Variants in GRIA3 observed in about 807,000 individuals in gnomAD.
GRIA3 encodes glutamate ionotropic receptor AMPA type subunit 3, also known as glutamate receptor 3.
Under a neutral mutation model 63.0 loss-of-function variants are expected in GRIA3, and 3 were observed. The observed-to-expected ratio is 0.05, with a 90% CI of 0.02 to 0.12. The LOEUF is 0.12. Ranked by LOEUF, GRIA3 falls within the 10% of genes least tolerant of loss-of-function variation. The pLI is 1.00. For missense variants in GRIA3, 347 were observed against 700.9 expected, an observed-to-expected ratio of 0.50 and a Z score of 5.70; for synonymous variants, 274 against 257.9, an observed-to-expected ratio of 1.06 and a Z score of -0.60.
At chrX:123,470,335 A>G (rs979279997) in intron 13 of GRIA3, among the ~76,000 whole-genome samples, 3 of 112,089 alleles carry the variant, frequency 2.7e-5, no homozygotes, top group Admixed American at 9.5e-5. Context: ...AAAAATATAT[A>G]GGAACTAGAA....
At chrX:123,302,670 A>T (rs776223410) in intron 3 of GRIA3, among the ~76,000 whole-genome samples, 1 of 111,574 alleles carries the variant, frequency 9.0e-6, no homozygotes, top group East Asian at 2.8e-4. Flanking sequence ...GGATCATTAT[A>T]TGGGTCTATT....
chrX:123,208,037 C>T (rs975659115), intron 2 of GRIA3, among the ~76,000 whole-genome samples: 1 of 112,246 alleles, frequency 8.9e-6, no homozygotes, highest in African/African-American at 3.2e-5. Flanking sequence ...ACTGGAAAAA[C>T]AAACAATAGA....
intron 11 of GRIA3, among the ~76,000 whole-genome samples, chrX:123,427,584 T>C (rs759058028): frequency 2.2e-4 from 25 of 111,432 alleles, no homozygotes; most frequent in Admixed American, 1.9e-4. Context: ...GGAGTGCACT[T>C]GTAGTCCCAG....
chrX:123,352,270 G>A (rs929644428), intron 4 of GRIA3, among the ~76,000 whole-genome samples: 1 of 111,278 alleles, frequency 9.0e-6, no homozygotes, highest in African/African-American at 3.3e-5. Flanking sequence ...AGTAGAGATG[G>A]GGTTTCTCCA....
At chrX:123,290,802 T>G (rs1399206415) in intron 3 of GRIA3, among the ~76,000 whole-genome samples, 1 of 111,384 alleles carries the variant, frequency 9.0e-6, no homozygotes, top group East Asian at 2.8e-4. Context: ...TCTGTGAAAG[T>G]AATAAAAAGT....
At chrX:123,479,633 TG>T (rs1173543739) in intron 13 of GRIA3, among the ~76,000 whole-genome samples, 1 of 112,428 alleles carries the variant, frequency 8.9e-6, no homozygotes, top group Non-Finnish European at 1.9e-5. Flanking sequence ...CTTCCCCTTC[TG>T]GGTCTGTCCT....
chrX:123,440,409 A>T (rs183970413), intron 12 of GRIA3, among the ~76,000 whole-genome samples: 14 of 112,598 alleles, frequency 1.2e-4, no homozygotes, highest in African/African-American at 4.5e-4. Flanking sequence ...TTACACTCCC[A>T]ACAACAGTGT....
At chrX:123,408,211 C>T (rs1016736661) in intron 10 of GRIA3, among the ~76,000 whole-genome samples, 1 of 111,417 alleles carries the variant, frequency 9.0e-6, no homozygotes, top group Non-Finnish European at 1.9e-5. Context: ...AGTGATCTAC[C>T]TGCCTCGGCC....
intron 2 of GRIA3, among the ~76,000 whole-genome samples, chrX:123,234,247 C>A (rs987004639): frequency 3.6e-5 from 4 of 111,164 alleles, no homozygotes; most frequent in Non-Finnish European, 7.6e-5. Flanking sequence ...CTGGCTTAAG[C>A]AGGCCACAGA....
At chrX:123,422,934 TA>T (rs2045570590) in intron 11 of GRIA3, among the ~76,000 whole-genome samples, 1 of 112,436 alleles carries the variant, frequency 8.9e-6, no homozygotes, top group African/African-American at 3.2e-5. Flanking sequence ...CAAATATTTT[TA>T]TTGTATTATT....
At chrX:123,214,158 G>A (rs4825840) in intron 2 of GRIA3, among the ~76,000 whole-genome samples, 25,071 of 111,712 alleles carry the variant, frequency 0.22, 2,190 homozygotes, top group East Asian at 0.38. Context: ...CAAGCCTTGT[G>A]TTCTGAATTT....
intron 3 of GRIA3, 107 bp downstream of exon 3, chrX:123,253,649 T>A: frequency 1.5e-6 from 1 of 646,451 alleles, no homozygotes; most frequent in Non-Finnish European, 2.4e-6. Context: ...AATTCTGTTT[T>A]AAAATTGTAT....
intron 5 of GRIA3, among the ~76,000 whole-genome samples, chrX:123,373,471 C>T (rs1226350145): frequency 2.7e-5 from 3 of 111,916 alleles, no homozygotes; most frequent in Non-Finnish European, 5.6e-5. Flanking sequence ...CTAGTTTACA[C>T]TCCCACCAAC....
chrX:123,281,272 T>C (rs1236794155), intron 3 of GRIA3, among the ~76,000 whole-genome samples: 3 of 111,568 alleles, frequency 2.7e-5, no homozygotes, highest in Non-Finnish European at 5.6e-5. Context: ...CATAATATGA[T>C]CTTGGCATAC....
intron 13 of GRIA3, among the ~76,000 whole-genome samples, chrX:123,477,068 A>C (rs1453492466): frequency 1.8e-5 from 2 of 111,889 alleles, no homozygotes; most frequent in East Asian, 5.6e-4. Context: ...TAGGATGCTA[A>C]GTCACCGATG....
At chrX:123,390,688 C>G (rs1307804127) in intron 5 of GRIA3, among the ~76,000 whole-genome samples, 1 of 112,212 alleles carries the variant, frequency 8.9e-6, no homozygotes, top group African/African-American at 3.2e-5. Context: ...TTTGCTACAT[C>G]TGGAAAGTTT....
intron 3 of GRIA3, among the ~76,000 whole-genome samples, chrX:123,284,786 C>T (rs930855211): frequency 4.5e-5 from 5 of 111,106 alleles, no homozygotes; most frequent in African/African-American, 1.3e-4. Context: ...TGGTGTACCT[C>T]AAAGTGACAG....
intron 12 of GRIA3, among the ~76,000 whole-genome samples, chrX:123,448,890 G>A (rs983670958): frequency 5.4e-5 from 6 of 111,985 alleles, no homozygotes; most frequent in Admixed American, 4.7e-4. Context: ...CTATGTTGTC[G>A]TGAGCTATGT....
rs138638792 is a variant in GRIA3 at position 123,197,408 on chromosome X, C to T, written c.268+11418C>T. Among the ~76,000 whole-genome samples the T allele has an allele frequency of 4.4e-3, 494 of 111,214 alleles. 3 individuals are homozygous for T. The highest frequency in any genetic ancestry group is 0.015 in the African/African-American group (463 of 30,498). ...GGTGTGGTGGTGTGTGCCTGTAGTC[C>T]CAGCTACTCAGGAGTCTGAGGCAGG... On this transcript the variant is annotated intron_variant, in intron 2 of 15. Transcript: ENST00000620443.
Sources: allele counts gnomAD v4.1 joint callset (sites outside exome capture counted in the v4.1 genomes callset), GRCh38; gene constraint gnomAD v4.1.1; transcripts MANE v1.5; gene names NCBI Gene and HGNC (gene_info 2026-07-23, HGNC 2026-07-21).